Variants in CD109 observed in about 807,000 individuals in gnomAD.
CD109 encodes the protein CD109 molecule, also known as CD109 antigen.
A neutral mutation model predicts 165.8 loss-of-function variants in CD109; 149 were observed. The observed-to-expected ratio is 0.90, with a 90% CI of 0.79 to 1.03. The LOEUF (loss-of-function observed/expected upper bound fraction) is 1.03, where lower values mean the gene tolerates loss of function less well. Ranked by LOEUF, CD109 falls within the 50% of genes least tolerant of loss-of-function variation. The probability of loss-of-function intolerance (pLI) is 0.00; values close to 1 mark genes in which losing one functional copy is unlikely to be tolerated. For missense variants in CD109, 1,712 were observed against 1,677.8 expected (o/e 1.02, Z -0.36); for synonymous variants, 585 against 592.1 (o/e 0.99, Z 0.18).
intron 5 of CD109, among the ~76,000 whole-genome samples, chr6:73,743,586 T>G (rs1772870682): frequency 6.6e-6 from 1 of 152,238 alleles, no homozygotes; most frequent in Non-Finnish European, 1.5e-5. Flanking sequence ...AGCCTCTGCC[T>G]GGGTCAGCTT....
At position 73,736,545 on chromosome 6, in the gene CD109, G is replaced by C. The variant is rs117571008; in HGVS notation, c.633+37G>C. On this transcript the variant is annotated intron_variant, in intron 5 of 32. Coordinates refer to ENST00000287097, the MANE Select transcript of CD109 (RefSeq NM_133493.5). Reference sequence around the variant, plus strand: ...TATATTTTTTGGGGGGAATGTTAAAGTGATTTAATTAGGTCAGGTGGGGGA... The same window carrying C: ...TATATTTTTTGGGGGGAATGTTAAACTGATTTAATTAGGTCAGGTGGGGGA... 25 of 1,587,002 alleles carry C rather than the reference G, an allele frequency of 1.6e-5. No homozygotes were observed. In the East Asian group the frequency reaches 5.7e-4, roughly 36 times the overall value.
upstream of CD109, chr6:73,694,721 C>T (rs1316790706): frequency 6.6e-6 from 1 of 152,242 alleles, no homozygotes; most frequent in Non-Finnish European, 1.5e-5. Context: ...ATGTGATTCT[C>T]ACACACATTG....
intron 10 of CD109, among the ~76,000 whole-genome samples, chr6:73,764,406 C>T (rs762206844): frequency 6.6e-6 from 1 of 152,188 alleles, no homozygotes; most frequent in Non-Finnish European, 1.5e-5. Context: ...GTGAAAGCAG[C>T]CATAGCCAAT....
chr6:73,731,443 G>T (rs932846140), intron 4 of CD109, among the ~76,000 whole-genome samples: 2 of 152,224 alleles, frequency 1.3e-5, no homozygotes. Flanking sequence ...AGGCCCTGAG[G>T]GGGAGCTTGT....
chr6:73,714,033 C>G (rs1408269595), intron 2 of CD109, among the ~76,000 whole-genome samples: 2 of 152,144 alleles, frequency 1.3e-5, no homozygotes, highest in Non-Finnish European at 2.9e-5. Context: ...GCATAATAGT[C>G]AACCCCTGAT....
intron 16 of CD109, among the ~76,000 whole-genome samples, chr6:73,780,842 T>A (rs1774461872): frequency 8.5e-6 from 1 of 117,364 alleles, no homozygotes; most frequent in African/African-American, 3.4e-5. Flanking sequence ...ATATATATAA[T>A]ATATAAATAT....
intron 23 of CD109, among the ~76,000 whole-genome samples, chr6:73,793,902 C>T (rs1358212834): frequency 6.6e-6 from 1 of 151,892 alleles, no homozygotes; most frequent in African/African-American, 2.4e-5. Flanking sequence ...AAATATAGTT[C>T]AACGCTTTCC....
chr6:73,812,122 G>A (rs1775777478), intron 28 of CD109, 83 bp from the exon 29 acceptor site: 5 of 829,272 alleles, frequency 6.0e-6, no homozygotes, highest in Non-Finnish European at 1.0e-5. Flanking sequence ...TCCTAATGAG[G>A]GATAGGACTG....
intron 15 of CD109, among the ~76,000 whole-genome samples, chr6:73,773,829 C>T (rs1774137439): frequency 1.3e-5 from 2 of 152,044 alleles, no homozygotes; most frequent in Admixed American, 1.3e-4. Context: ...ATTTCTTCCT[C>T]CCCATTTTAT....
chr6:73,729,196 G>C (rs974774444), intron 3 of CD109, among the ~76,000 whole-genome samples: 2 of 152,150 alleles, frequency 1.3e-5, no homozygotes, highest in Non-Finnish European at 2.9e-5. Flanking sequence ...GAGACAACAG[G>C]GAAGAAGGTA....
intron 23 of CD109, 33 bp downstream of exon 23, chr6:73,792,835 GA>G (rs778912436): frequency 1.0e-5 from 16 of 1,560,894 alleles, no homozygotes; most frequent in African/African-American, 1.4e-5. Flanking sequence ...TTTGTTCGTA[GA>G]AAAAAATTTG....
chr6:73,696,004 G>A, upstream of CD109: 1 of 537,748 alleles, frequency 1.9e-6, no homozygotes, highest in Non-Finnish European at 3.3e-6. Context: ...CCACAGCAGC[G>A]AGAAGCGCCA....
chr6:73,714,305 C>T (rs72953390), intron 2 of CD109, among the ~76,000 whole-genome samples: 10,692 of 152,230 alleles, frequency 0.07, 483 homozygotes, highest in East Asian at 0.13. Context: ...CCCATGGTGG[C>T]CTCCCTCCTG....
chr6:73,759,100 C>T (rs1037797644), intron 7 of CD109, 72 bp downstream of exon 7: 7 of 951,688 alleles, frequency 7.4e-6, no homozygotes, highest in African/African-American at 4.9e-5. Context: ...TGATTGTATA[C>T]TTCAGAATAT....
intron 22 of CD109, among the ~76,000 whole-genome samples, chr6:73,791,164 T>TATATATATACACATACAC (rs1774934191): frequency 3.1e-5 from 2 of 64,144 alleles, no homozygotes; most frequent in African/African-American, 1.5e-4. Context: ...TATATATATA[T>TATATATATACACATACAC]ATATATATAT....
intron 23 of CD109, among the ~76,000 whole-genome samples, chr6:73,800,426 A>G (rs1055501164): frequency 2.6e-5 from 4 of 152,100 alleles, no homozygotes; most frequent in Non-Finnish European, 4.4e-5. Flanking sequence ...CTGCGTATAT[A>G]TTTTTGTATT....
chr6:73,779,667 C>T (rs971149073), intron 15 of CD109, among the ~76,000 whole-genome samples: 25 of 152,084 alleles, frequency 1.6e-4, no homozygotes, highest in African/African-American at 5.8e-4. Flanking sequence ...GCTACTGTAA[C>T]TATTGCTGCA....
chr6:73,766,525 A>ATG lies in CD109; in HGVS notation c.1333-224_1333-223dup, dbSNP rs574517155. On this transcript the variant is annotated intron_variant, in intron 11 of 32. Coordinates refer to ENST00000287097, the MANE Select transcript of CD109 (RefSeq NM_133493.5). ...TACACACATATATATGTATATGTATATGTGTGTGTGTATATATATATATAT... is the reference window on the plus strand; with the variant it reads ...TACACACATATATATGTATATGTATATGTGTGTGTGTGTATATATATATATAT... Among the ~76,000 whole-genome samples, 12 of 105,508 alleles carry ATG rather than the reference A, an allele frequency of 1.1e-4. 1 individual carries two copies. In the South Asian group the frequency reaches 1.3e-3, roughly 11 times the overall value. The allele number at this position is 105,508 out of a possible 152,430, so 69.2% of individuals were successfully genotyped here.
At chr6:73,795,898 T>C (rs1489765637) in intron 23 of CD109, among the ~76,000 whole-genome samples, 1 of 152,184 alleles carries the variant, frequency 6.6e-6, no homozygotes, top group Non-Finnish European at 1.5e-5. Flanking sequence ...CGTGGTAGGG[T>C]TGTTTTGAGG....
Sources: gnomAD v4.1 joint callset for allele counts (sites outside exome capture counted in the v4.1 genomes callset) on GRCh38, gnomAD v4.1.1 for gene constraint, MANE v1.5 for transcripts, NCBI Gene and HGNC (gene_info 2026-07-23, HGNC 2026-07-21) for gene names.